Variants in ZNF618 observed in about 807,000 individuals in gnomAD.
ZNF618 encodes neural precursor cell expressed, developmentally down-regulated 10.
In ZNF618, 34 loss-of-function variants were observed where a neutral mutation model predicts 103.0. That is an observed-to-expected ratio of 0.33 (90% CI 0.25 to 0.44). ZNF618 has a LOEUF of 0.44. Among genes scored for constraint, ZNF618 ranks in the 20% least tolerant of loss-of-function variants. ZNF618 has a pLI of 1.00. For missense variants in ZNF618, 1,059 were observed against 1,295.4 expected, an observed-to-expected ratio of 0.82 and a Z score of 2.80; for synonymous variants, 551 against 542.2, an observed-to-expected ratio of 1.02 and a Z score of -0.23.
At chr9:114,011,597 G>A (rs919442020) in intron 9 of ZNF618, among the ~76,000 whole-genome samples, 2 of 152,190 alleles carry the variant, frequency 1.3e-5, no homozygotes, top group Admixed American at 1.3e-4. Context: ...GTATAAGCAG[G>A]CCAATGCCAC....
chr9:114,050,358 A>C lies in ZNF618; in HGVS notation c.*191A>C. The C allele has an allele frequency of 1.7e-6, 1 of 599,102 alleles. No homozygotes were observed. The highest frequency in any genetic ancestry group is 3.7e-5 in the Admixed American group (1 of 27,388). 37.1% of individuals were successfully genotyped at this position (599,102 alleles called of 1,614,324 possible). A position where few individuals can be genotyped will look rare whatever the true frequency, so the allele number is the denominator to read the frequency against. On this transcript the variant is annotated 3_prime_UTR_variant, in exon 15 of 15. Transcript: ENST00000374126. Reference sequence around the variant, plus strand: ...TATGTACACAGCCACACGTGTGTGCACGTGTCTGAACACGTGCTGTGGTTG... The same window carrying C: ...TATGTACACAGCCACACGTGTGTGCCCGTGTCTGAACACGTGCTGTGGTTG...
chr9:114,035,944 C>A (rs750686182), intron 12 of ZNF618, among the ~76,000 whole-genome samples: 1 of 152,188 alleles, frequency 6.6e-6, no homozygotes, highest in Non-Finnish European at 1.5e-5. Flanking sequence ...GCTGTGACAC[C>A]CTGAGACTCA....
intron 1 of ZNF618, among the ~76,000 whole-genome samples, chr9:113,958,492 G>A (rs1286931688): frequency 6.6e-6 from 1 of 152,202 alleles, no homozygotes; most frequent in East Asian, 1.9e-4. Flanking sequence ...GATACTAGCT[G>A]GCACTACATA....
At chr9:114,029,424 C>T (rs2134190144) in intron 11 of ZNF618, among the ~76,000 whole-genome samples, 1 of 152,300 alleles carries the variant, frequency 6.6e-6, no homozygotes, top group South Asian at 2.1e-4. Context: ...CGATTGGCTG[C>T]CTCCTTGAGT....
intron 10 of ZNF618, among the ~76,000 whole-genome samples, chr9:114,019,297 T>C (rs533655478): frequency 2.0e-4 from 30 of 152,378 alleles, no homozygotes; most frequent in Middle Eastern, 3.4e-3. Flanking sequence ...ATAAAGCTGC[T>C]ATGAAAATGC....
chr9:113,953,106 TA>T (rs1407995736), intron 1 of ZNF618, among the ~76,000 whole-genome samples: 1 of 152,228 alleles, frequency 6.6e-6, no homozygotes, highest in Non-Finnish European at 1.5e-5. Flanking sequence ...GCAATCGGCT[TA>T]AAGATGACTT....
rs140758624 is a variant in ZNF618, at chr9:113,923,063, T to C, written c.34-46054T>C. Among the ~76,000 whole-genome samples, 87 of 152,324 alleles carry C rather than the reference T, an allele frequency of 5.7e-4. 1 individual carries two copies. The East Asian group carries it at 0.013, about 22-fold the overall frequency. ...TACGTTTTTATTTTTTTGGCACTAA[T>C]AAAAATGGCATTGTGTTTTTAATTT... On this transcript the variant is annotated intron_variant, in intron 1 of 14. Transcript: ENST00000374126.
rs368466423 is a variant in ZNF618, at chr9:114,048,972, G to C, written c.1670G>C (p.Ser557Thr). Residue 557 changes from serine (S) to threonine (T), a missense_variant, in exon 15 of 15, where the codon AGT becomes ACT. By Grantham distance (58) the Ser-to-Thr change is moderately conservative. This residue lies in a region of ZNF618 where 272 missense variants were observed against 380.1 expected (regional missense o/e 0.72). Transcript: ENST00000374126. ...LGIGVTCHSQ[S>T]VGPDSCYILT... Reference sequence around the variant, plus strand: ...ATCGGTGTCACCTGCCACTCCCAGAGTGTTGGCCCTGACTCCTGCTACATC... The same window carrying C: ...ATCGGTGTCACCTGCCACTCCCAGACTGTTGGCCCTGACTCCTGCTACATC... 2 of 1,612,872 alleles carry C rather than the reference G, an allele frequency of 1.2e-6. No individual in the cohort carries two copies. Among genetic ancestry groups the C allele is most frequent in the African/African-American group, 2.7e-5 (2 of 74,936 alleles).
chr9:114,033,846 CACT>C (rs140850), intron 12 of ZNF618, among the ~76,000 whole-genome samples: 79,772 of 151,858 alleles, frequency 0.53, 22,463 homozygotes, highest in African/African-American at 0.73. Flanking sequence ...CTGGGCTGGG[CACT>C]ACTGCCTGGG....
chr9:113,940,943 T>C (rs568532526), intron 1 of ZNF618, among the ~76,000 whole-genome samples: 23 of 152,338 alleles, frequency 1.5e-4, no homozygotes, highest in Middle Eastern at 3.4e-3. Context: ...TCAGTTTCTT[T>C]CTGCCACGTA....
chr9:114,015,049 A>G (rs189875463), intron 9 of ZNF618, among the ~76,000 whole-genome samples: 1 of 152,198 alleles, frequency 6.6e-6, no homozygotes, highest in Admixed American at 6.5e-5. Context: ...GTAGACAAAC[A>G]AGGTTGTATA....
At chr9:113,890,632 A>T (rs1314541378) in intron 1 of ZNF618, among the ~76,000 whole-genome samples, 1 of 152,242 alleles carries the variant, frequency 6.6e-6, no homozygotes, top group East Asian at 1.9e-4. Flanking sequence ...CTGTTTGGAA[A>T]GCTGACTGCA....
chr9:114,053,526 G>C lies in ZNF618; in HGVS notation c.*3359G>C, dbSNP rs1846268042. On this transcript the variant is annotated 3_prime_UTR_variant, in exon 15 of 15. Coordinates refer to ENST00000374126, the MANE Select transcript of ZNF618 (RefSeq NM_001318042.2). ...TGTTTTGACATACATGGACCCAAAAGGGGAGGTGAAGAAAACACACCTCCA... is the reference window on the plus strand; with the variant it reads ...TGTTTTGACATACATGGACCCAAAACGGGAGGTGAAGAAAACACACCTCCA... 6.6e-6 allele frequency: 1 copy of C among 152,190 alleles called. No individual in the cohort carries two copies. Among genetic ancestry groups the C allele is most frequent in the Non-Finnish European group, 1.5e-5 (1 of 68,048 alleles). 9.4% of individuals were successfully genotyped at this position (152,190 alleles called of 1,614,324 possible). A position where few individuals can be genotyped will look rare whatever the true frequency, so the allele number is the denominator to read the frequency against.
intron 10 of ZNF618, among the ~76,000 whole-genome samples, chr9:114,019,916 C>T (rs1842937355): frequency 6.6e-6 from 1 of 152,108 alleles, no homozygotes; most frequent in Non-Finnish European, 1.5e-5. Flanking sequence ...GATATCCTTG[C>T]CTACCTCAAA....
chr9:113,981,590 C>A (rs992923413), intron 2 of ZNF618, among the ~76,000 whole-genome samples: 3 of 152,182 alleles, frequency 2.0e-5, no homozygotes, highest in African/African-American at 7.2e-5. Context: ...GGAAACTGTG[C>A]CCAGAAACAA....
At chr9:113,974,275 C>T (rs983747945) in intron 2 of ZNF618, among the ~76,000 whole-genome samples, 2 of 152,096 alleles carry the variant, frequency 1.3e-5, no homozygotes, top group Non-Finnish European at 2.9e-5. Context: ...TTGTGGGGGC[C>T]GAAGCAGGCA....
At chr9:114,004,640 C>T (rs920171566) in intron 6 of ZNF618, among the ~76,000 whole-genome samples, 2 of 152,124 alleles carry the variant, frequency 1.3e-5, no homozygotes, top group Non-Finnish European at 2.9e-5. Flanking sequence ...GCGGCCATTG[C>T]GCGCTATTTT....
intron 2 of ZNF618, among the ~76,000 whole-genome samples, chr9:113,980,091 G>A (rs918797507): frequency 4.6e-5 from 7 of 152,148 alleles, no homozygotes; most frequent in Non-Finnish European, 1.0e-4. Context: ...TTCATAGTCG[G>A]GAGTGACAGA....
intron 2 of ZNF618, among the ~76,000 whole-genome samples, chr9:113,978,991 C>T (rs1838736841): frequency 6.6e-6 from 1 of 152,206 alleles, no homozygotes; most frequent in African/African-American, 2.4e-5. Context: ...CACCTCCACC[C>T]TGCATGCTGG....
Sources: gnomAD v4.1 joint callset for allele counts (sites outside exome capture counted in the v4.1 genomes callset) on GRCh38, gnomAD v4.1.1 for gene constraint, gnomAD v4.1.1 regional missense constraint, MANE v1.5 for transcripts, NCBI Gene and HGNC (gene_info 2026-07-23, HGNC 2026-07-21) for gene names.